NCOR1: variants seen among roughly 807,000 people sequenced by gnomAD.
NCOR1 encodes nuclear receptor corepressor 1.
A neutral mutation model predicts 288.1 loss-of-function variants in NCOR1; 63 were observed. The observed-to-expected ratio is 0.22, with a 90% CI of 0.18 to 0.27. The LOEUF (loss-of-function observed/expected upper bound fraction) is 0.27. NCOR1 is among the 10% of genes least tolerant of loss of function. The probability of loss-of-function intolerance (pLI) is 1.00; values close to 1 mark genes in which losing one functional copy is unlikely to be tolerated. For missense variants in NCOR1, 2,397 were observed against 3,019.2 expected (o/e 0.79, Z 4.83); for synonymous variants, 1,007 against 1,065.9 (o/e 0.94, Z 1.08).
intron 45 of NCOR1, among the ~76,000 whole-genome samples, chr17:16,034,198 G>C (rs564809243): frequency 6.6e-6 from 1 of 152,304 alleles, no homozygotes; most frequent in East Asian, 1.9e-4. Context: ...GTGTAATACA[G>C]AAGTGAGGAG....
At chr17:16,032,541 T>A in intron 45 of NCOR1, 58 bp from the exon 46 acceptor site, 1 of 1,484,450 alleles carries the variant, frequency 6.7e-7, no homozygotes, top group Non-Finnish European at 9.1e-7. Context: ...TTTCATCCAA[T>A]CCAACTTTTG....
At chr17:16,136,825 A>AAG (rs1555703148) in intron 14 of NCOR1, among the ~76,000 whole-genome samples, 22 of 138,980 alleles carry the variant, frequency 1.6e-4, no homozygotes, top group African/African-American at 5.0e-4. Context: ...AAAAAAAAAA[A>AAG]AAAGAAAGAA....
chr17:16,206,319 C>T (rs2091499191), intron 1 of NCOR1, among the ~76,000 whole-genome samples: 1 of 148,862 alleles, frequency 6.7e-6, no homozygotes, highest in Non-Finnish European at 1.5e-5. Context: ...CAATTGTTTA[C>T]AGCTTTGTTT....
chr17:16,040,176 C>G (rs112673653), intron 43 of NCOR1: 9,709 of 578,218 alleles, frequency 0.017, 134 homozygotes, highest in Non-Finnish European at 0.025. Context: ...TAAAGTTACT[C>G]AACAATTTTC....
At position 16,139,157 on chromosome 17, in the gene NCOR1, A is replaced by G; in HGVS notation, c.1203T>C (p.Ser401=). The change falls in exon 12 of 46, where the codon TCT becomes TCC. Residue 401 remains serine, a synonymous_variant. Transcript: ENST00000268712. The part of the protein sequence containing the change: ...ENNEKQMRQL[S]VIPPMMFDAE... The stretch of plus-strand genomic sequence containing the variant: ...CATCAAACATCATAGGTGGAATCAC[A>G]GAGAGCTGCCGCATTTGTTTCTCAT... The G allele has an allele frequency of 6.2e-7, 1 of 1,612,722 alleles. No individual in the cohort carries two copies. Among genetic ancestry groups the G allele is most frequent in the Non-Finnish European group, 8.5e-7 (1 of 1,179,538 alleles).
chr17:16,140,812 TCAAACAAACAAA>T (rs149513450), intron 11 of NCOR1, among the ~76,000 whole-genome samples: 2 of 150,002 alleles, frequency 1.3e-5, no homozygotes, highest in Admixed American at 6.7e-5. Context: ...AGACGCCATC[TCAAACAAACAAA>T]CAAACAAACA....
intron 41 of NCOR1, among the ~76,000 whole-genome samples, chr17:16,048,303 T>TG (rs1426987040): frequency 6.6e-6 from 1 of 152,190 alleles, no homozygotes; most frequent in Non-Finnish European, 1.5e-5. Context: ...AGCATACACC[T>TG]GGTCATGCCA....
chr17:16,160,683 T>C (rs2080659185), intron 5 of NCOR1, among the ~76,000 whole-genome samples: 1 of 152,118 alleles, frequency 6.6e-6, no homozygotes, highest in African/African-American at 2.4e-5. Flanking sequence ...CCCCAGCTAC[T>C]CAGGAGGCCG....
intron 22 of NCOR1, chr17:16,087,027 G>A (rs954594696): frequency 3.8e-6 from 2 of 520,482 alleles, no homozygotes; most frequent in African/African-American, 2.0e-5. Context: ...AAATACAACT[G>A]ATGATGGAAC....
intron 37 of NCOR1, among the ~76,000 whole-genome samples, chr17:16,059,323 A>G (rs1357805522): frequency 6.6e-6 from 1 of 152,214 alleles, no homozygotes; most frequent in Non-Finnish European, 1.5e-5. Context: ...TTTTAAAGCT[A>G]TGGATTATAT....
intron 14 of NCOR1, among the ~76,000 whole-genome samples, chr17:16,126,904 C>T (rs922825305): frequency 2.6e-5 from 4 of 152,012 alleles, no homozygotes; most frequent in South Asian, 2.1e-4. Flanking sequence ...TCAGGAGTTT[C>T]TCTTTCTGTG....
At position 16,171,825 on chromosome 17, in the gene NCOR1, C is replaced by A. The variant is rs1349935619; in HGVS notation, c.413G>T (p.Arg138Met). ...TACCTTCTTAGCATCTGCAGAAGCC[C>A]TCAGCCCTTCTGGCAGCGGGTGCAC... ...PLVHPLPEGL[R>M]ASADAKKDPA... is the part of the protein sequence containing the mutation. Residue 138 changes from arginine to methionine, a missense_variant, in exon 4 of 46, where the codon AGG becomes ATG. Physicochemically the swap from Arg to Met is moderately conservative, Grantham distance 91 (BLOSUM62 -1). This residue lies in a region of NCOR1 where 110 missense variants were observed against 123.2 expected (regional missense o/e 0.89). Transcript: ENST00000268712. The A allele has an allele frequency of 6.2e-7, 1 of 1,607,188 alleles. No homozygotes were observed.
intron 4 of NCOR1, among the ~76,000 whole-genome samples, chr17:16,167,336 A>T (rs1316397208): frequency 6.6e-6 from 1 of 152,148 alleles, no homozygotes; most frequent in Non-Finnish European, 1.5e-5. Context: ...AAACAGCCAG[A>T]TACCAATCCT....
rs186752111 is a variant in NCOR1 at position 16,214,567 on chromosome 17, G to C, written c.-71+795C>G. On this transcript the variant is annotated intron_variant, in intron 1 of 45. Transcript: ENST00000268712. ...CTCCAAGGTTAACTCTGTGGAAGAG[G>C]CACCGCAGCATGCAACATCACATAA... 2.1e-3 allele frequency among the ~76,000 whole-genome samples: 318 copies of C among 152,272 alleles called. 1 individual carries two copies. The highest frequency in any genetic ancestry group is 7.5e-3 in the African/African-American group (310 of 41,562).
At chr17:16,055,187 G>A (rs982685013) in intron 40 of NCOR1, among the ~76,000 whole-genome samples, 6 of 152,116 alleles carry the variant, frequency 3.9e-5, no homozygotes, top group Non-Finnish European at 8.8e-5. Flanking sequence ...TATACCCAAA[G>A]GAATATAAAT....
intron 15 of NCOR1, 133 bp downstream of exon 15, chr17:16,125,949 T>C (rs1204730527): frequency 9.9e-6 from 5 of 506,442 alleles, no homozygotes; most frequent in Admixed American, 7.9e-5. Flanking sequence ...ATTTGGGCGA[T>C]GGTACACTAA....
intron 31 of NCOR1, 82 bp from the exon 32 acceptor site, chr17:16,068,203 TAA>T: frequency 9.0e-7 from 1 of 1,115,864 alleles, no homozygotes. Flanking sequence ...ACCATTCAAA[TAA>T]AGACTATATT....
At chr17:16,200,296 G>A (rs2090592600) in intron 1 of NCOR1, among the ~76,000 whole-genome samples, 1 of 151,694 alleles carries the variant, frequency 6.6e-6, no homozygotes. Context: ...GACCATCCTG[G>A]CCAACGTGGT....
At chr17:16,159,062 C>G (rs535741914) in intron 5 of NCOR1, among the ~76,000 whole-genome samples, 189 bp from the exon 6 acceptor site, 3 of 145,188 alleles carry the variant, frequency 2.1e-5, no homozygotes, top group Non-Finnish European at 4.5e-5. Flanking sequence ...AACCAAACAA[C>G]ACAAATTTTC....
Sources: allele counts gnomAD v4.1 joint callset (sites outside exome capture counted in the v4.1 genomes callset), GRCh38; gene constraint gnomAD v4.1.1; regional missense constraint gnomAD v4.1.1; transcripts MANE v1.5; gene names NCBI Gene and HGNC (gene_info 2026-07-23, HGNC 2026-07-21).